Variants in USH2A observed in about 807,000 individuals in gnomAD.
USH2A encodes usherin, also known as Usher syndrome 2A (autosomal recessive, mild).
USH2A carries 443 observed loss-of-function variants against 538.9 expected under a neutral mutation model. That is an observed-to-expected ratio of 0.82 (90% CI 0.76 to 0.89). The LOEUF is 0.89. Among genes scored for constraint, USH2A ranks in the 40% least tolerant of loss-of-function variants. The probability of loss-of-function intolerance (pLI) is 0.00; values close to 1 mark genes in which losing one functional copy is unlikely to be tolerated. For synonymous variants in USH2A, 2,413 were observed against 2,273.5 expected (o/e 1.06, Z -1.75); for missense variants, 6,633 against 6,324.8 (o/e 1.05, Z -1.65).
intron 32 of USH2A, among the ~76,000 whole-genome samples, chr1:216,031,482 C>T (rs1669122238): frequency 6.6e-6 from 1 of 152,096 alleles, no homozygotes; most frequent in African/African-American, 2.4e-5. Context: ...TAATGCGTTT[C>T]TCTCCTCTCC....
At chr1:215,763,396 G>A (rs1661035809) in intron 56 of USH2A, among the ~76,000 whole-genome samples, 1 of 152,208 alleles carries the variant, frequency 6.6e-6, no homozygotes, top group African/African-American at 2.4e-5. Flanking sequence ...ATTTCCAGAA[G>A]GGGAGATGCG....
At chr1:216,415,574 G>A (rs1342959495) in intron 3 of USH2A, among the ~76,000 whole-genome samples, 1 of 143,370 alleles carries the variant, frequency 7.0e-6, no homozygotes, top group African/African-American at 2.7e-5. Context: ...GGAATGCAGT[G>A]GCATGATCAT....
chr1:216,213,971 G>GA, intron 15 of USH2A, among the ~76,000 whole-genome samples: 1 of 151,946 alleles, frequency 6.6e-6, no homozygotes, highest in Non-Finnish European at 1.5e-5. Context: ...TAGTCAGCAG[G>GA]AAAAATGCAA....
At chr1:215,969,074 A>G (rs1024410480) in intron 36 of USH2A, among the ~76,000 whole-genome samples, 1 of 152,208 alleles carries the variant, frequency 6.6e-6, no homozygotes, top group Non-Finnish European at 1.5e-5. Context: ...GCACAAAAAT[A>G]TTTCACAAAC....
intron 13 of USH2A, among the ~76,000 whole-genome samples, chr1:216,245,470 T>TGAGAGAGAGAGAGAGAGA (rs10535828): frequency 7.9e-5 from 9 of 114,174 alleles, no homozygotes; most frequent in Admixed American, 3.5e-4. Flanking sequence ...AGTCCCCTTC[T>TGAGAGAGAGAGAGAGAGA]GAGAGAGAGA....
chr1:216,096,875 G>C (rs936776846), intron 22 of USH2A, among the ~76,000 whole-genome samples: 1 of 152,150 alleles, frequency 6.6e-6, no homozygotes, highest in African/African-American at 2.4e-5. Context: ...GACCATGATG[G>C]TTTAAAAGTT....
At chr1:216,283,258 G>T (rs1038522345) in intron 11 of USH2A, among the ~76,000 whole-genome samples, 10 of 151,812 alleles carry the variant, frequency 6.6e-5, no homozygotes, top group Admixed American at 5.3e-4. Flanking sequence ...AGCTAATTTT[G>T]TTTTTGTATT....
intron 12 of USH2A, among the ~76,000 whole-genome samples, chr1:216,249,417 C>T (rs879455624): frequency 1.3e-5 from 2 of 152,090 alleles, no homozygotes; most frequent in Non-Finnish European, 2.9e-5. Context: ...AATTATTTCA[C>T]TGTCTTTAAA....
chr1:216,035,572 T>C (rs1295097280), intron 32 of USH2A, among the ~76,000 whole-genome samples: 1 of 152,174 alleles, frequency 6.6e-6, no homozygotes. Context: ...TTTGTTACAA[T>C]AGTCTTAGCA....
intron 21 of USH2A, among the ~76,000 whole-genome samples, chr1:216,157,700 T>G (rs1240510414): frequency 1.3e-5 from 2 of 152,162 alleles, no homozygotes; most frequent in Non-Finnish European, 2.9e-5. Flanking sequence ...TAATTCTAAG[T>G]GAATTAATGC....
chr1:215,924,473 C>T (rs559866254), intron 38 of USH2A, among the ~76,000 whole-genome samples: 1 of 151,908 alleles, frequency 6.6e-6, no homozygotes. Flanking sequence ...GTCAGGCATA[C>T]AGTTTGTCTA....
intron 50 of USH2A, among the ~76,000 whole-genome samples, chr1:215,794,215 T>A (rs1268957653): frequency 6.6e-6 from 1 of 152,206 alleles, no homozygotes; most frequent in Non-Finnish European, 1.5e-5. Flanking sequence ...ATAAAATACA[T>A]ATTGACAAAG....
rs550751672 is a variant in USH2A, at chr1:215,718,088, C to A, written c.12066+9942G>T. Among the ~76,000 whole-genome samples, 11 of 152,204 alleles carry A rather than the reference C, an allele frequency of 7.2e-5. No individual in the cohort carries two copies. In the East Asian group the frequency reaches 7.7e-4, roughly 11 times the overall value. ...GAGACTTCAAGTCCATAGATATGAT[C>A]AAAAATGTCAGCAGTTCTAGCTTAC... On this transcript the variant is annotated intron_variant, in intron 61 of 71. Transcript: ENST00000307340.
Position 216,070,275 on chromosome 1 carries a change from T to G in USH2A, c.5875A>C (p.Thr1959Pro), listed in dbSNP as rs373621748. ...TTTAAGCTGCGGACTCTTGAGGGAGTTGGCACACTTTGTGGAGCTGTGAAG... is the reference window on the plus strand; with the variant it reads ...TTTAAGCTGCGGACTCTTGAGGGAGGTGGCACACTTTGTGGAGCTGTGAAG... Reference protein sequence around the residue: ...TTGAAPQSVPTPSRVRSLNGY... With the variant: ...TTGAAPQSVPPPSRVRSLNGY... Residue 1959 changes from threonine to proline, a missense_variant, in exon 30 of 72, where the codon ACT becomes CCT. Physicochemically the swap from Thr to Pro is conservative, Grantham distance 38. Transcript: ENST00000307340. 2 of 1,613,648 alleles carry G rather than the reference T, an allele frequency of 1.2e-6. No individual in the cohort carries two copies. The highest frequency in any genetic ancestry group is 2.7e-5 in the African/African-American group (2 of 74,810).
chr1:216,001,290 G>C (rs1037941508), intron 32 of USH2A, among the ~76,000 whole-genome samples: 9 of 152,246 alleles, frequency 5.9e-5, no homozygotes, highest in African/African-American at 2.2e-4. Flanking sequence ...TGTAGGTTTT[G>C]AATATGTGTG....
chr1:215,732,871 C>T (rs537781547), intron 60 of USH2A, among the ~76,000 whole-genome samples: 22 of 152,068 alleles, frequency 1.4e-4, no homozygotes, highest in South Asian at 1.2e-3. Flanking sequence ...AACTACAACT[C>T]GTCTTTTAAA....
intron 11 of USH2A, among the ~76,000 whole-genome samples, chr1:216,267,207 A>T (rs925144667): frequency 2.8e-4 from 42 of 152,110 alleles, no homozygotes; most frequent in Non-Finnish European, 4.0e-4. Context: ...AAATGAAAAG[A>T]GAGTGATCAA....
intron 4 of USH2A, among the ~76,000 whole-genome samples, chr1:216,363,985 A>G (rs1483514588): frequency 6.6e-6 from 1 of 151,418 alleles, no homozygotes; most frequent in East Asian, 1.9e-4. Flanking sequence ...AATATGGAAA[A>G]TACTTTCTAT....
At chr1:215,836,537 TATATAATATATATATATA>T (rs1663527003) in intron 47 of USH2A, among the ~76,000 whole-genome samples, 1 of 25,370 alleles carries the variant, frequency 3.9e-5, no homozygotes, top group African/African-American at 1.4e-4. Context: ...TATATATATA[TATATAATATATATATATA>T]TATATATATA....
Sources: gnomAD v4.1 joint callset for allele counts (sites outside exome capture counted in the v4.1 genomes callset) on GRCh38, gnomAD v4.1.1 for gene constraint, MANE v1.5 for transcripts, NCBI Gene and HGNC (gene_info 2026-07-23, HGNC 2026-07-21) for gene names.